The following TMC1 variants were observed in gnomAD, a reference collection of about 807,000 sequenced individuals.
The protein encoded by TMC1 is transmembrane channel-like protein 1.
In TMC1, 84 loss-of-function variants were observed where a neutral mutation model predicts 105.8. That is an observed-to-expected ratio of 0.79 (90% CI 0.67 to 0.95). The LOEUF is 0.95. TMC1 is among the 40% of genes least tolerant of loss of function. The pLI, the probability that TMC1 is intolerant of heterozygous loss-of-function variation, is 0.00. For missense variants in TMC1, 817 were observed against 914.1 expected (o/e 0.89, Z 1.37); for synonymous variants, 315 against 311.5 (o/e 1.01, Z -0.12).
intron 2 of TMC1, among the ~76,000 whole-genome samples, chr9:72,598,024 C>A (rs1056027860): frequency 2.6e-5 from 4 of 151,810 alleles, no homozygotes; most frequent in Admixed American, 6.6e-5. Flanking sequence ...GTCTTCACTG[C>A]ACATTTGATA....
intron 5 of TMC1, among the ~76,000 whole-genome samples, chr9:72,670,071 G>A (rs1356606633): frequency 6.6e-6 from 1 of 152,156 alleles, no homozygotes; most frequent in Non-Finnish European, 1.5e-5. Flanking sequence ...CAATTCATGA[G>A]AAAGAGTTCC....
chr9:72,656,391 T>G (rs890475533), intron 5 of TMC1, among the ~76,000 whole-genome samples: 44 of 152,134 alleles, frequency 2.9e-4, no homozygotes, highest in Non-Finnish European at 4.9e-4. Context: ...CCTTTTTTTT[T>G]GGGCCAATAT....
chr9:72,818,895 T>G (rs2118292719), intron 19 of TMC1: 1 of 152,328 alleles, frequency 6.6e-6, no homozygotes, highest in African/African-American at 2.4e-5. Context: ...TGATACTTAT[T>G]TTGAAATTTT....
At chr9:72,571,597 C>T (rs975997302) in intron 1 of TMC1, among the ~76,000 whole-genome samples, 2 of 151,686 alleles carry the variant, frequency 1.3e-5, no homozygotes, top group African/African-American at 2.4e-5. Context: ...CAGGCATACA[C>T]CGCCATGCCC....
intron 18 of TMC1, 77 bp from the exon 19 acceptor site, chr9:72,816,066 A>G: frequency 7.8e-7 from 1 of 1,284,560 alleles, no homozygotes; most frequent in South Asian, 1.2e-5. Flanking sequence ...AACCCTAGCC[A>G]TGCCTATGCA....
At chr9:72,668,911 T>C (rs755248911) in intron 5 of TMC1, among the ~76,000 whole-genome samples, 9 of 152,228 alleles carry the variant, frequency 5.9e-5, no homozygotes, top group Admixed American at 2.6e-4. Flanking sequence ...AAGCAGTAAC[T>C]TCAGACCTTC....
chr9:72,593,884 T>C (rs1328665015), intron 2 of TMC1, among the ~76,000 whole-genome samples: 1 of 152,244 alleles, frequency 6.6e-6, no homozygotes, highest in South Asian at 2.1e-4. Context: ...GTCAGTGACC[T>C]CCTTTGTTGC....
At chr9:72,677,195 A>C (rs1290238833) in intron 5 of TMC1, among the ~76,000 whole-genome samples, 1 of 151,818 alleles carries the variant, frequency 6.6e-6, no homozygotes, top group African/African-American at 2.4e-5. Context: ...AAAAAGTCTC[A>C]AAATCTGCAG....
At chr9:72,752,276 A>G (rs573450985) in intron 11 of TMC1, among the ~76,000 whole-genome samples, 4 of 152,270 alleles carry the variant, frequency 2.6e-5, no homozygotes, top group Admixed American at 6.5e-5. Flanking sequence ...GTTAAAAACT[A>G]TTGTTCAAGA....
intron 5 of TMC1, among the ~76,000 whole-genome samples, chr9:72,683,651 A>T (rs1433138434): frequency 6.8e-6 from 1 of 146,924 alleles, no homozygotes; most frequent in Non-Finnish European, 1.5e-5. Flanking sequence ...ATGAAATATG[A>T]CAAATTTCAC....
intron 5 of TMC1, among the ~76,000 whole-genome samples, chr9:72,685,160 G>T (rs1197214865): frequency 7.2e-6 from 1 of 138,066 alleles, no homozygotes; most frequent in African/African-American, 2.8e-5. Context: ...AGGCCAGAGT[G>T]CAGTGGCGCT....
At chr9:72,529,714 G>A (rs976699263) in intron 1 of TMC1, among the ~76,000 whole-genome samples, 14 of 151,610 alleles carry the variant, frequency 9.2e-5, no homozygotes, top group Admixed American at 9.2e-4. Context: ...CTGCCTTTGG[G>A]AAAAAGTGAC....
intron 8 of TMC1, among the ~76,000 whole-genome samples, chr9:72,724,148 A>G (rs1197212973): frequency 2.0e-5 from 3 of 152,210 alleles, no homozygotes; most frequent in Non-Finnish European, 4.4e-5. Flanking sequence ...AATTTAAAGA[A>G]CCTTGTTTTA....
chr9:72,531,874 G>A (rs899290507), intron 1 of TMC1, among the ~76,000 whole-genome samples: 2 of 151,950 alleles, frequency 1.3e-5, no homozygotes, highest in Non-Finnish European at 2.9e-5. Flanking sequence ...CCTGTATCTG[G>A]CTGGCAATTC....
intron 5 of TMC1, among the ~76,000 whole-genome samples, chr9:72,662,143 C>T (rs1825977037): frequency 6.6e-6 from 1 of 151,792 alleles, no homozygotes; most frequent in Non-Finnish European, 1.5e-5. Flanking sequence ...TCCTGTGCTT[C>T]TTTTTCCAAC....
intron 17 of TMC1, among the ~76,000 whole-genome samples, chr9:72,804,538 C>G (rs1828535858): frequency 6.6e-6 from 1 of 152,032 alleles, no homozygotes; most frequent in Non-Finnish European, 1.5e-5. Context: ...AATTAGTCTC[C>G]CAAGCATATT....
At chr9:72,684,765 C>G (rs1826348233) in intron 5 of TMC1, among the ~76,000 whole-genome samples, 1 of 152,180 alleles carries the variant, frequency 6.6e-6, no homozygotes, top group African/African-American at 2.4e-5. Context: ...TCCCTACAGT[C>G]TTCCATCTTC....
At chr9:72,541,260 C>A (rs1219245393) in intron 1 of TMC1, among the ~76,000 whole-genome samples, 1 of 152,216 alleles carries the variant, frequency 6.6e-6, no homozygotes, top group African/African-American at 2.4e-5. Context: ...ACATCTATGT[C>A]TTAACTTCTC....
At chr9:72,608,120 G>A (rs1824956188) in intron 2 of TMC1, among the ~76,000 whole-genome samples, 1 of 152,162 alleles carries the variant, frequency 6.6e-6, no homozygotes, top group African/African-American at 2.4e-5. Flanking sequence ...TTTCAGATCT[G>A]CTTTTTTTGT....
Sources: gnomAD v4.1 joint callset for allele counts (sites outside exome capture counted in the v4.1 genomes callset) on GRCh38, gnomAD v4.1.1 for gene constraint, MANE v1.5 for transcripts, NCBI Gene and HGNC (gene_info 2026-07-23, HGNC 2026-07-21) for gene names.